The following SFMBT1 variants were observed in gnomAD, a reference collection of about 807,000 sequenced individuals.
The protein encoded by SFMBT1 is Scm like with four mbt domains 1, also known as scm-like with four MBT domains protein 1.
A neutral mutation model predicts 108.7 loss-of-function variants in SFMBT1; 32 were observed. That is an observed-to-expected ratio of 0.29 (90% CI 0.22 to 0.40). The LOEUF (loss-of-function observed/expected upper bound fraction) is 0.40. Among genes scored for constraint, SFMBT1 ranks in the 10% least tolerant of loss-of-function variants. The pLI is 1.00. For synonymous variants in SFMBT1, 348 were observed against 369.5 expected (o/e 0.94, Z 0.67); for missense variants, 816 against 1,059.6 (o/e 0.77, Z 3.19).
intron 12 of SFMBT1, 69 bp from the exon 13 acceptor site, chr3:52,918,595 T>A: frequency 1.0e-6 from 1 of 992,216 alleles, no homozygotes; most frequent in Non-Finnish European, 1.5e-6. Flanking sequence ...ATATGTGTAT[T>A]AAGGTTACAT....
chr3:52,909,101 G>T (rs1702152020), intron 17 of SFMBT1, among the ~76,000 whole-genome samples: 1 of 152,096 alleles, frequency 6.6e-6, no homozygotes, highest in Admixed American at 6.5e-5. Context: ...TGAAAAAAAT[G>T]GAAATTTTCT....
At chr3:52,968,397 T>C (rs2106857938) in intron 2 of SFMBT1, among the ~76,000 whole-genome samples, 1 of 152,272 alleles carries the variant, frequency 6.6e-6, no homozygotes, top group East Asian at 1.9e-4. Context: ...GAATTGCACA[T>C]TCTTTATACT....
At chr3:53,020,384 C>T (rs1170516279) in intron 1 of SFMBT1, among the ~76,000 whole-genome samples, 1 of 151,624 alleles carries the variant, frequency 6.6e-6, no homozygotes, top group African/African-American at 2.4e-5. Context: ...AATGAGACTC[C>T]ATCTCAAAAC....
At chr3:53,024,858 A>G (rs1299122787) in intron 1 of SFMBT1, among the ~76,000 whole-genome samples, 3 of 152,230 alleles carry the variant, frequency 2.0e-5, no homozygotes, top group African/African-American at 7.2e-5. Flanking sequence ...CTTTGTCTAA[A>G]GCCATTATAT....
At chr3:52,937,978 TTTTC>T (rs1263518749) in intron 4 of SFMBT1, among the ~76,000 whole-genome samples, 1 of 152,142 alleles carries the variant, frequency 6.6e-6, no homozygotes, top group East Asian at 1.9e-4. Context: ...CTGTACACAT[TTTTC>T]TTTTTTTCAT....
At position 52,907,384 on chromosome 3, in the gene SFMBT1, A is replaced by T. The variant is rs571963524; in HGVS notation, c.2086-70T>A. The T allele has an allele frequency of 1.2e-4, 183 of 1,539,626 alleles. No homozygotes were observed. The East Asian group carries it at 1.5e-3, about 13-fold the overall frequency. On this transcript the variant is annotated intron_variant, in intron 18 of 20. Transcript: ENST00000394752. The stretch of plus-strand genomic sequence containing the variant: ...TCCCAGGTTTCATATGATTAAAAAA[A>T]AATAATAAAGAAAGAAAAGAAATTC...
intron 3 of SFMBT1, among the ~76,000 whole-genome samples, chr3:52,946,520 C>T (rs1703372126): frequency 6.6e-6 from 1 of 152,256 alleles, no homozygotes; most frequent in South Asian, 2.1e-4. Flanking sequence ...CAGTAGCTTA[C>T]TTCTTTTCAC....
At chr3:52,930,220 G>A in intron 8 of SFMBT1, 109 bp downstream of exon 8, 1 of 706,100 alleles carries the variant, frequency 1.4e-6, no homozygotes, top group Non-Finnish European at 2.5e-6. Context: ...GCACGGCCTA[G>A]AAGGAAAAAT....
In SFMBT1 at chr3:52,991,628, G is replaced by A. The variant is rs192975720; in HGVS notation, c.-130-22370C>T. Among the ~76,000 whole-genome samples, 23 of 152,252 alleles carry A rather than the reference G, an allele frequency of 1.5e-4. No individual in the cohort carries two copies. In the East Asian group the frequency reaches 4.2e-3, roughly 28 times the overall value. Reference sequence around the variant, plus strand: ...CAAAGTGCTGTGATTACAGGCGTGAGCCACCTCGCCCAGCCTGCACGTTGA... The same window carrying A: ...CAAAGTGCTGTGATTACAGGCGTGAACCACCTCGCCCAGCCTGCACGTTGA... On this transcript the variant is annotated intron_variant, in intron 1 of 20. Transcript: ENST00000394752.
intron 1 of SFMBT1, among the ~76,000 whole-genome samples, chr3:53,030,508 A>T (rs533539951): frequency 6.6e-4 from 101 of 152,270 alleles, no homozygotes; most frequent in Non-Finnish European, 1.2e-3. Context: ...ATAAAGCAAC[A>T]GAAGAAAAAG....
At chr3:53,001,790 G>C (rs188872061) in intron 1 of SFMBT1, among the ~76,000 whole-genome samples, 2 of 148,674 alleles carry the variant, frequency 1.3e-5, no homozygotes, top group Admixed American at 1.4e-4. Context: ...GCCAGGCATG[G>C]TGGCTCATGA....
chr3:53,006,815 C>T (rs1698760644), intron 1 of SFMBT1, among the ~76,000 whole-genome samples: 1 of 152,188 alleles, frequency 6.6e-6, no homozygotes, highest in Non-Finnish European at 1.5e-5. Context: ...AGGACTTTTG[C>T]TTACATAATC....
At chr3:53,014,657 C>T (rs138335581) in intron 1 of SFMBT1, among the ~76,000 whole-genome samples, 195 of 152,284 alleles carry the variant, frequency 1.3e-3, no homozygotes, top group Non-Finnish European at 2.4e-3. Context: ...AACTGTACAA[C>T]TATTTTTACA....
intron 12 of SFMBT1, 102 bp downstream of exon 12, chr3:52,920,434 TG>T (rs1170109129): frequency 1.3e-6 from 1 of 790,860 alleles, no homozygotes; most frequent in African/African-American, 1.8e-5. Flanking sequence ...AGAACCAGAA[TG>T]TCATTTTTTT....
At chr3:52,954,258 T>A (rs1703701992) in intron 3 of SFMBT1, 59 bp downstream of exon 3, 3 of 1,240,654 alleles carry the variant, frequency 2.4e-6, no homozygotes, top group Admixed American at 2.0e-5. Flanking sequence ...CTAATGATAA[T>A]ACAGAGATTC....
chr3:52,954,133 AT>A (rs1703695540), intron 3 of SFMBT1, among the ~76,000 whole-genome samples, 183 bp downstream of exon 3: 1 of 152,250 alleles, frequency 6.6e-6, no homozygotes, highest in South Asian at 2.1e-4. Flanking sequence ...TCAAAAAAAA[AT>A]AAAAAAATAA....
chr3:52,948,652 G>C (rs916616602), intron 3 of SFMBT1, among the ~76,000 whole-genome samples: 2 of 139,436 alleles, frequency 1.4e-5, no homozygotes, highest in African/African-American at 5.1e-5. Flanking sequence ...TATTATTATT[G>C]TTATTATTAT....
chr3:53,039,433 T>C (rs1021489191), intron 1 of SFMBT1, among the ~76,000 whole-genome samples: 4 of 152,112 alleles, frequency 2.6e-5, no homozygotes, highest in Admixed American at 6.6e-5. Flanking sequence ...AGACAGAAAG[T>C]AGAACAGTGG....
In SFMBT1 at chr3:52,907,610, T is replaced by C. The variant is rs758075898; in HGVS notation, c.2030A>G (p.His677Arg). The C allele has an allele frequency of 3.1e-6, 5 of 1,614,086 alleles. No homozygotes were observed. The African/African-American group carries it at 6.7e-5, about 22-fold the overall frequency. Reference sequence around the variant, plus strand: ...AGATGCAGAGGAGCGTTTCTTCTTATGAACAAAAACATTTTTCCGCCTCTT... The same window carrying C: ...AGATGCAGAGGAGCGTTTCTTCTTACGAACAAAAACATTTTTCCGCCTCTT... ...RRKRRKNVFV[H>R]KKKRSSASVD... The change falls in exon 18 of 21, where the codon CAT becomes CGT. Residue 677 changes from histidine (H) to arginine (R), a missense_variant. His to Arg is a conservative substitution (Grantham distance 29). Around this residue, in one of 5 missense-constraint regions of SFMBT1, gnomAD observed 177 missense variants for 182.0 expected, o/e 0.97. Transcript: ENST00000394752.
Sources: allele counts gnomAD v4.1 joint callset (sites outside exome capture counted in the v4.1 genomes callset), GRCh38; gene constraint gnomAD v4.1.1; regional missense constraint gnomAD v4.1.1; transcripts MANE v1.5; gene names NCBI Gene and HGNC (gene_info 2026-07-23, HGNC 2026-07-21).